CABIN1: variants seen among roughly 807,000 people sequenced by gnomAD.
CABIN1 encodes calcineurin-binding protein cabin-1.
CABIN1 carries 133 observed loss-of-function variants against 227.7 expected under a neutral mutation model. The observed-to-expected ratio is 0.58, with a 90% confidence interval of 0.51 to 0.67. The LOEUF (loss-of-function observed/expected upper bound fraction) is 0.67. CABIN1 is among the 30% of genes least tolerant of loss of function. CABIN1 has a pLI of 0.00. For missense variants in CABIN1, 2,408 were observed against 2,852.5 expected (o/e 0.84, Z 3.55); for synonymous variants, 1,086 against 1,155.1 (o/e 0.94, Z 1.21).
chr22:24,070,790 G>A lies in CABIN1; in HGVS notation c.2233-10G>A. On this transcript the variant is annotated splice_polypyrimidine_tract_variant and intron_variant, in intron 16 of 36. Coordinates refer to ENST00000263119, the MANE Select transcript of CABIN1 (RefSeq NM_012295.4). ...CACCGTGCACTTCACCTGGCTTCTT[G>A]CTGTACTAGGACTCCTTGCTCCGGC... The A allele has an allele frequency of 1.2e-6, 2 of 1,614,146 alleles. No homozygotes were observed. Among genetic ancestry groups the A allele is most frequent in the Middle Eastern group, 3.3e-4 (2 of 6,058 alleles).
intron 1 of CABIN1, among the ~76,000 whole-genome samples, chr22:24,018,311 G>A (rs1169842385): frequency 1.3e-5 from 2 of 151,612 alleles, no homozygotes; most frequent in Non-Finnish European, 2.9e-5. Context: ...AAATTTTTAT[G>A]TAGTTAAATG....
chr22:24,158,918 G>C (rs933498070), intron 29 of CABIN1, among the ~76,000 whole-genome samples: 3 of 152,140 alleles, frequency 2.0e-5, no homozygotes, highest in African/African-American at 7.2e-5. Context: ...GCCCTCTTGG[G>C]AATCAGAGTC....
chr22:24,075,014 A>G (rs1208245317), intron 18 of CABIN1, among the ~76,000 whole-genome samples: 5 of 152,112 alleles, frequency 3.3e-5, no homozygotes, highest in Non-Finnish European at 7.4e-5. Flanking sequence ...GCAACGTAGT[A>G]AGACCCTGTA....
chr22:24,077,055 A>G (rs1385134015), intron 19 of CABIN1, among the ~76,000 whole-genome samples: 1 of 152,210 alleles, frequency 6.6e-6, no homozygotes, highest in African/African-American at 2.4e-5. Context: ...ATGGAGGTGT[A>G]TGGCCAGCAA....
rs367709185 is a variant in CABIN1 at position 24,113,568 on chromosome 22, C to T, written c.4120C>T (p.Arg1374Ter). Residue 1374 changes from arginine to a stop codon, truncating the protein, a stop_gained and splice_region_variant, in exon 27 of 37, where the codon CGA becomes TGA. Transcript: ENST00000263119. LOFTEE classifies it high-confidence loss of function. ...TCTCTTCCTCCTTCTCCCCTCAGAC[C>T]GAAGCCAGGACAGCACAGCCGTAGC... ...KPHQQATPDDRSQDSTAVALS... is the reference protein window; with the variant it reads ...KPHQQATPDD 3.1e-6 allele frequency: 5 copies of T among 1,613,898 alleles called. No homozygotes were observed. Among genetic ancestry groups the T allele is most frequent in the Admixed American group, 1.7e-5 (1 of 60,000 alleles).
chr22:24,130,093 G>C (rs1220790427), intron 28 of CABIN1, among the ~76,000 whole-genome samples: 2 of 152,196 alleles, frequency 1.3e-5, no homozygotes, highest in Non-Finnish European at 2.9e-5. Flanking sequence ...CCCTCCATCT[G>C]CCCTCTGTCA....
At chr22:24,095,418 G>T (rs1692293891) in intron 24 of CABIN1, among the ~76,000 whole-genome samples, 1 of 148,538 alleles carries the variant, frequency 6.7e-6, no homozygotes, top group Non-Finnish European at 1.5e-5. Context: ...TGAGCTGCCT[G>T]CCCACCCACC....
chr22:24,059,791 C>T (rs1439281787), intron 11 of CABIN1, 133 bp from the exon 12 acceptor site: 1 of 824,874 alleles, frequency 1.2e-6, no homozygotes, highest in Admixed American at 2.0e-5. Context: ...CTCAGCACCA[C>T]AACGTGGTAT....
chr22:24,097,476 C>T (rs2041961880), intron 25 of CABIN1, among the ~76,000 whole-genome samples: 1 of 152,212 alleles, frequency 6.6e-6, no homozygotes, highest in Admixed American at 6.5e-5. Flanking sequence ...ACCCCAGTCA[C>T]TTCATTCTTT....
chr22:24,111,933 A>G (rs1196179420), intron 26 of CABIN1, among the ~76,000 whole-genome samples: 1 of 152,122 alleles, frequency 6.6e-6, no homozygotes, highest in African/African-American at 2.4e-5. Flanking sequence ...TAGCCTTTGC[A>G]TTTGACTCTT....
chr22:24,120,896 G>A (rs900553151), intron 28 of CABIN1, among the ~76,000 whole-genome samples: 5 of 152,188 alleles, frequency 3.3e-5, no homozygotes, highest in South Asian at 2.1e-4. Context: ...AGAAAATAAC[G>A]GGGGGCATAG....
intron 29 of CABIN1, among the ~76,000 whole-genome samples, chr22:24,135,389 TAA>T (rs34701900): frequency 6.8e-6 from 1 of 146,958 alleles, no homozygotes. Flanking sequence ...GACTCCCTCT[TAA>T]AAAAAAAAAG....
rs1333386300 is a variant in CABIN1 at position 24,059,912 on chromosome 22, C to A, written c.1400-12C>A. 8 of 1,613,066 alleles carry A rather than the reference C, an allele frequency of 5.0e-6. No homozygotes were observed. Among genetic ancestry groups the A allele is most frequent in the Non-Finnish European group, 6.8e-6 (8 of 1,179,174 alleles). ...CTTTATTCAAGTCAGGTTGTTCTTG[C>A]TCCCCGGGCAGAAAAGCAGGACGTG... is the stretch of plus-strand genomic sequence containing the variant. On this transcript the variant is annotated splice_polypyrimidine_tract_variant and intron_variant, in intron 11 of 36. Coordinates refer to ENST00000263119, the MANE Select transcript of CABIN1 (RefSeq NM_012295.4).
At chr22:24,075,678 G>C (rs1229741476) in intron 18 of CABIN1, among the ~76,000 whole-genome samples, 1 of 152,136 alleles carries the variant, frequency 6.6e-6, no homozygotes, top group South Asian at 2.1e-4. Flanking sequence ...CCAGGAATTG[G>C]AGGCTGCAGT....
At position 24,168,470 on chromosome 22, in the gene CABIN1, G is replaced by A; in HGVS notation, c.5706G>A (p.Glu1902=). The change falls in exon 33 of 37, where the codon GAG becomes GAA. Residue 1902 remains glutamate (E), a synonymous_variant. Coordinates refer to ENST00000263119, the MANE Select transcript of CABIN1 (RefSeq NM_012295.4). ...IKQVDEEAAL[E]QAVKFCQVHL... Reference sequence around the variant, plus strand: ...AGGTGGATGAGGAGGCTGCGCTGGAGCAGGCTGTGAAGTTCTGCCAGGTCC... The same window carrying A: ...AGGTGGATGAGGAGGCTGCGCTGGAACAGGCTGTGAAGTTCTGCCAGGTCC... 6.4e-7 allele frequency: 1 copy of A among 1,572,116 alleles called. No homozygotes were observed. Among genetic ancestry groups the A allele is most frequent in the Non-Finnish European group, 8.6e-7 (1 of 1,158,466 alleles).
At chr22:24,047,503 G>A (rs1440871427) in intron 6 of CABIN1, among the ~76,000 whole-genome samples, 1 of 152,234 alleles carries the variant, frequency 6.6e-6, no homozygotes, top group African/African-American at 2.4e-5. Context: ...TGTGGTCTCA[G>A]AGAAACCATG....
At chr22:24,155,243 T>C (rs1213324297) in intron 29 of CABIN1, among the ~76,000 whole-genome samples, 2 of 152,126 alleles carry the variant, frequency 1.3e-5, no homozygotes, top group Non-Finnish European at 2.9e-5. Flanking sequence ...GGCCAGACGC[T>C]GTGAGTGAGG....
rs929070959 is a variant in CABIN1 at position 24,048,028 on chromosome 22, G to A, written c.527-1063G>A. Among the ~76,000 whole-genome samples, 13 of 152,284 alleles carry A rather than the reference G, an allele frequency of 8.5e-5. No homozygotes were observed. In the East Asian group the frequency reaches 2.1e-3, roughly 25 times the overall value. ...CATGCCATCCCATTTTTTTCTGTGT[G>A]TTTACCTGTTACTGTCTCCATTCCT... is the stretch of plus-strand genomic sequence containing the variant. On this transcript the variant is annotated intron_variant, in intron 6 of 36. Transcript: ENST00000263119.
chr22:24,127,092 C>G (rs1449016974), intron 28 of CABIN1, among the ~76,000 whole-genome samples: 1 of 151,740 alleles, frequency 6.6e-6, no homozygotes, highest in Admixed American at 6.6e-5. Context: ...GTGTCAGAGA[C>G]ACTACTGGGC....
Sources: allele counts gnomAD v4.1 joint callset (sites outside exome capture counted in the v4.1 genomes callset), GRCh38; gene constraint gnomAD v4.1.1; transcripts MANE v1.5; gene names NCBI Gene and HGNC (gene_info 2026-07-23, HGNC 2026-07-21).